Variants in PLXDC2 observed in about 807,000 individuals in gnomAD.
PLXDC2 encodes plexin domain-containing protein 2.
PLXDC2 carries 40 observed loss-of-function variants against 68.9 expected under a neutral mutation model. The observed-to-expected ratio is 0.58, with a 90% CI of 0.45 to 0.76. The LOEUF (loss-of-function observed/expected upper bound fraction) is 0.76, where lower values mean the gene tolerates loss of function less well. Among genes scored for constraint, PLXDC2 ranks in the 30% least tolerant of loss-of-function variants. PLXDC2 has a pLI of 0.00. For synonymous variants in PLXDC2, 243 were observed against 234.2 expected (o/e 1.04, Z -0.34); for missense variants, 644 against 661.9 (o/e 0.97, Z 0.30).
intron 4 of PLXDC2, among the ~76,000 whole-genome samples, chr10:20,130,601 T>C (rs1319921732): frequency 2.0e-5 from 3 of 152,132 alleles, no homozygotes; most frequent in African/African-American, 7.2e-5. Context: ...TAGCTTTTTA[T>C]CATTGAGTGT....
intron 1 of PLXDC2, among the ~76,000 whole-genome samples, chr10:19,985,359 C>T (rs1834618777): frequency 6.6e-6 from 1 of 152,198 alleles, no homozygotes; most frequent in African/African-American, 2.4e-5. Context: ...TTTTGCTCTT[C>T]CATGCCACAC....
chr10:20,201,314 C>T (rs1309144712), intron 9 of PLXDC2, among the ~76,000 whole-genome samples: 1 of 151,990 alleles, frequency 6.6e-6, no homozygotes, highest in Middle Eastern at 3.2e-3. Flanking sequence ...TACACATTCT[C>T]ATTCATATGC....
intron 6 of PLXDC2, among the ~76,000 whole-genome samples, chr10:20,154,963 T>G (rs1264697987): frequency 1.3e-5 from 2 of 152,136 alleles, no homozygotes. Flanking sequence ...GGTTGAATAC[T>G]TTACCATTTC....
At chr10:19,916,836 T>G (rs2131377921) in intron 1 of PLXDC2, among the ~76,000 whole-genome samples, 1 of 152,286 alleles carries the variant, frequency 6.6e-6, no homozygotes, top group Admixed American at 6.5e-5. Flanking sequence ...TAAATAATCA[T>G]GTCATCCAGG....
intron 1 of PLXDC2, among the ~76,000 whole-genome samples, chr10:19,909,775 A>G (rs1300973845): frequency 6.6e-6 from 1 of 152,186 alleles, no homozygotes; most frequent in African/African-American, 2.4e-5. Flanking sequence ...AATGATGATG[A>G]TGATCATGAC....
chr10:19,897,262 G>A (rs1380947374), intron 1 of PLXDC2, among the ~76,000 whole-genome samples: 1 of 146,762 alleles, frequency 6.8e-6, no homozygotes, highest in Non-Finnish European at 1.5e-5. Flanking sequence ...TTCTTGAGAC[G>A]GAGTTTTGCT....
At chr10:20,090,556 A>T (rs1180978528) in intron 4 of PLXDC2, among the ~76,000 whole-genome samples, 1 of 152,162 alleles carries the variant, frequency 6.6e-6, no homozygotes, top group Non-Finnish European at 1.5e-5. Flanking sequence ...ACCTTCCTTC[A>T]TATTGTGCCA....
chr10:19,979,466 C>T (rs11011714), intron 1 of PLXDC2, among the ~76,000 whole-genome samples: 16,843 of 151,450 alleles, frequency 0.11, 1,032 homozygotes, highest in East Asian at 0.24. Flanking sequence ...GCAAGCTCCA[C>T]CTCCCAGGTT....
chr10:19,889,000 T>G (rs889099756), intron 1 of PLXDC2, among the ~76,000 whole-genome samples: 3 of 152,056 alleles, frequency 2.0e-5, no homozygotes, highest in African/African-American at 7.2e-5. Flanking sequence ...TTTTTCAAGT[T>G]TAGCCCATGG....
intron 1 of PLXDC2, among the ~76,000 whole-genome samples, chr10:19,937,111 C>T (rs1320599410): frequency 6.6e-6 from 1 of 152,142 alleles, no homozygotes; most frequent in South Asian, 2.1e-4. Flanking sequence ...TAAAACTATC[C>T]TGATTTCCTT....
At position 20,281,368 on chromosome 10, in the gene PLXDC2, C is replaced by T. The variant is rs1008466416; in HGVS notation, c.*1549C>T. 7.9e-5 allele frequency: 12 copies of T among 152,084 alleles called. No homozygotes were observed. The highest frequency in any genetic ancestry group is 1.3e-4 in the Admixed American group (2 of 15,248). The allele number at this position is 152,084 out of a possible 1,614,324, so 9.4% of individuals were successfully genotyped here. A position where few individuals can be genotyped will look rare whatever the true frequency, so the allele number is the denominator to read the frequency against. On this transcript the variant is annotated 3_prime_UTR_variant, in exon 14 of 14. Transcript: ENST00000377252. ...TTCACCAACATTCTAACCCATGAAA[C>T]TTTTACACTCTGTGCCAAGAAACTG... is the stretch of plus-strand genomic sequence containing the variant.
intron 2 of PLXDC2, among the ~76,000 whole-genome samples, chr10:20,038,752 CT>C (rs1564291524): frequency 6.6e-6 from 1 of 152,228 alleles, no homozygotes; most frequent in Non-Finnish European, 1.5e-5. Context: ...CAATCATTCA[CT>C]TTTTTTGATT....
chr10:19,939,129 G>T (rs1833774289), intron 1 of PLXDC2, among the ~76,000 whole-genome samples: 1 of 152,132 alleles, frequency 6.6e-6, no homozygotes, highest in South Asian at 2.1e-4. Flanking sequence ...ATGAAATAAA[G>T]ATAAATAAGG....
intron 2 of PLXDC2, among the ~76,000 whole-genome samples, chr10:20,034,521 G>C (rs1038492402): frequency 2.0e-5 from 3 of 152,142 alleles, no homozygotes; most frequent in Admixed American, 1.3e-4. Context: ...GGAGTTTTCA[G>C]AATATCATTT....
chr10:19,846,311 C>T (rs1040921096), intron 1 of PLXDC2, among the ~76,000 whole-genome samples: 9 of 152,000 alleles, frequency 5.9e-5, no homozygotes, highest in Non-Finnish European at 1.0e-4. Context: ...CTCCATTAAT[C>T]CCCTGTGATT....
At chr10:20,131,956 T>C (rs1833873481) in intron 4 of PLXDC2, among the ~76,000 whole-genome samples, 1 of 152,142 alleles carries the variant, frequency 6.6e-6, no homozygotes, top group Non-Finnish European at 1.5e-5. Flanking sequence ...ATGAAATCTT[T>C]CTTTTTTCTT....
At chr10:19,818,446 C>T (rs1836399794) in intron 1 of PLXDC2, among the ~76,000 whole-genome samples, 3 of 152,084 alleles carry the variant, frequency 2.0e-5, no homozygotes, top group Admixed American at 2.0e-4. Flanking sequence ...AGTCACAACA[C>T]TTCGCCTGTC....
intron 9 of PLXDC2, among the ~76,000 whole-genome samples, chr10:20,189,504 T>TATATATATATATATATATATATAC (rs1554773611): frequency 3.3e-5 from 4 of 121,590 alleles, no homozygotes; most frequent in Non-Finnish European, 6.9e-5. Flanking sequence ...TATATATATA[T>TATATATATATATATATATATATAC]ACACATACAC....
At chr10:20,061,222 A>G (rs2131699116) in intron 3 of PLXDC2, among the ~76,000 whole-genome samples, 1 of 152,182 alleles carries the variant, frequency 6.6e-6, no homozygotes, top group East Asian at 1.9e-4. Context: ...TTCAAGATCC[A>G]ACCTAGGACC....
Sources: gnomAD v4.1 joint callset for allele counts (sites outside exome capture counted in the v4.1 genomes callset) on GRCh38, gnomAD v4.1.1 for gene constraint, MANE v1.5 for transcripts, NCBI Gene and HGNC (gene_info 2026-07-23, HGNC 2026-07-21) for gene names.